The following TNPO1 variants were observed in gnomAD, a reference collection of about 807,000 sequenced individuals.
The protein encoded by TNPO1 is transportin 1, also known as transportin-1.
A neutral mutation model predicts 119.5 loss-of-function variants in TNPO1; 8 were observed. That is an observed-to-expected ratio of 0.07 (90% CI 0.04 to 0.12). TNPO1 has a LOEUF of 0.12. Ranked by LOEUF, TNPO1 falls within the 10% of genes least tolerant of loss-of-function variation. TNPO1 has a pLI of 1.00. For synonymous variants in TNPO1, 362 were observed against 363.0 expected (o/e 1.00, Z 0.03); for missense variants, 576 against 1,089.8 (o/e 0.53, Z 6.64).
chr5:72,877,637 C>A (rs956925581), intron 9 of TNPO1, among the ~76,000 whole-genome samples: 2 of 151,712 alleles, frequency 1.3e-5, no homozygotes. Flanking sequence ...AAAAAACAAT[C>A]CTTGTTATTT....
intron 15 of TNPO1, among the ~76,000 whole-genome samples, chr5:72,892,324 T>A (rs1274283554): frequency 6.6e-6 from 1 of 152,142 alleles, no homozygotes; most frequent in Non-Finnish European, 1.5e-5. Context: ...TTTTATATGA[T>A]GTTCTCGTAA....
chr5:72,857,361 A>G (rs1351142181), intron 4 of TNPO1, among the ~76,000 whole-genome samples: 1 of 152,138 alleles, frequency 6.6e-6, no homozygotes, highest in Non-Finnish European at 1.5e-5. Flanking sequence ...GGTTTGAAAA[A>G]TATTTATCTC....
At chr5:72,843,605 A>C (rs1745007620) in intron 1 of TNPO1, among the ~76,000 whole-genome samples, 2 of 151,966 alleles carry the variant, frequency 1.3e-5, no homozygotes, top group Admixed American at 6.6e-5. Flanking sequence ...AAAAAAAAAA[A>C]AACAAACCCA....
At chr5:72,899,117 T>TAA (rs996930056) in intron 20 of TNPO1, among the ~76,000 whole-genome samples, 1 of 151,314 alleles carries the variant, frequency 6.6e-6, no homozygotes, top group South Asian at 2.1e-4. Context: ...TTCAAAATTG[T>TAA]AAAAAAAAAT....
At chr5:72,851,573 A>G (rs919073089) in intron 3 of TNPO1, among the ~76,000 whole-genome samples, 4 of 152,150 alleles carry the variant, frequency 2.6e-5, no homozygotes, top group Non-Finnish European at 5.9e-5. Flanking sequence ...GCTCACTACA[A>G]TATCTGCCTC....
intron 7 of TNPO1, among the ~76,000 whole-genome samples, chr5:72,874,216 A>G (rs1204423057): frequency 6.6e-6 from 1 of 152,180 alleles, no homozygotes; most frequent in Non-Finnish European, 1.5e-5. Context: ...AAACCTCTGG[A>G]GGAAGTGCCT....
chr5:72,864,497 A>G (rs1746733792), intron 5 of TNPO1, among the ~76,000 whole-genome samples: 1 of 152,220 alleles, frequency 6.6e-6, no homozygotes, highest in Non-Finnish European at 1.5e-5. Flanking sequence ...TAAAATGATT[A>G]TAGGAAAATG....
At chr5:72,908,196 A>G (rs566518279) in intron 24 of TNPO1, among the ~76,000 whole-genome samples, 19 of 152,286 alleles carry the variant, frequency 1.2e-4, no homozygotes, top group African/African-American at 4.3e-4. Context: ...AATACCAGAC[A>G]ACCCCAAATA....
chr5:72,891,774 A>G, intron 14 of TNPO1, 36 bp from the exon 15 acceptor site: 1 of 1,420,756 alleles, frequency 7.0e-7, no homozygotes. Context: ...GACATGTGAT[A>G]GTGGAATTTT....
At chr5:72,866,989 A>G (rs1163186246) in intron 6 of TNPO1, among the ~76,000 whole-genome samples, 5 of 152,178 alleles carry the variant, frequency 3.3e-5, no homozygotes, top group South Asian at 4.2e-4. Context: ...AGCCTACGCA[A>G]CATAGCAAGA....
chr5:72,818,143 T>C (rs1468905155), intron 1 of TNPO1, among the ~76,000 whole-genome samples: 1 of 152,240 alleles, frequency 6.6e-6, no homozygotes, highest in African/African-American at 2.4e-5. Context: ...GTACTAGTGT[T>C]CTGTTTTCTT....
chr5:72,894,370 G>A (rs1048046253), intron 18 of TNPO1, among the ~76,000 whole-genome samples: 1 of 151,220 alleles, frequency 6.6e-6, no homozygotes, highest in Non-Finnish European at 1.5e-5. Flanking sequence ...CAGCATGTTG[G>A]GTAACAATTA....
chr5:72,898,988 A>G (rs1749634377), intron 20 of TNPO1, among the ~76,000 whole-genome samples: 1 of 152,100 alleles, frequency 6.6e-6, no homozygotes, highest in Non-Finnish European at 1.5e-5. Flanking sequence ...GTTGTGTATG[A>G]ATGTATTTAC....
At chr5:72,885,440 T>A (rs1304462092) in intron 11 of TNPO1, among the ~76,000 whole-genome samples, 1 of 152,236 alleles carries the variant, frequency 6.6e-6, no homozygotes, top group African/African-American at 2.4e-5. Flanking sequence ...CCTCTTCACA[T>A]CCCATTCTTT....
chr5:72,854,637 T>A (rs1392672982), intron 3 of TNPO1, among the ~76,000 whole-genome samples: 3 of 152,196 alleles, frequency 2.0e-5, no homozygotes, highest in Admixed American at 2.0e-4. Context: ...TTAAGTGCAG[T>A]GCCACTTGGA....
In TNPO1 at chr5:72,883,046, C is replaced by T. The variant is rs115115607; in HGVS notation, c.982-18C>T. ...CTATAATGAATGCCACCAAAAATTT[C>T]TCTTAAAAAAACAACAGGGTGATGT... On this transcript the variant is annotated intron_variant, in intron 10 of 24. Coordinates refer to ENST00000337273, the MANE Select transcript of TNPO1 (RefSeq NM_002270.4). 4.6e-3 allele frequency: 7,333 copies of T among 1,601,174 alleles called. 231 individuals carry two copies. The South Asian group carries it at 0.054, about 12-fold the overall frequency.
At position 72,834,913 on chromosome 5, in the gene TNPO1, G is replaced by A. The variant is rs151268157; in HGVS notation, c.16-13472G>A. On this transcript the variant is annotated intron_variant, in intron 1 of 24. Coordinates refer to ENST00000337273, the MANE Select transcript of TNPO1 (RefSeq NM_002270.4). ...ATTTTTATGCCTTTTATCTTTTTAT[G>A]CTTTTTTACCATACCTTTTGTATGT... is the stretch of plus-strand genomic sequence containing the variant. 4.4e-3 allele frequency among the ~76,000 whole-genome samples: 662 copies of A among 151,612 alleles called. 7 individuals are homozygous for A. The highest frequency in any genetic ancestry group is 0.016 in the African/African-American group (641 of 41,276).
chr5:72,828,716 T>G (rs1195915613), intron 1 of TNPO1, among the ~76,000 whole-genome samples: 1 of 45,710 alleles, frequency 2.2e-5, no homozygotes, highest in African/African-American at 8.7e-5. Flanking sequence ...AGTAACATCT[T>G]TTGTAGCATT....
Position 72,848,393 on chromosome 5 carries a change from G to T in TNPO1, c.24G>T (p.Lys8Asn), listed in dbSNP as rs764028860. 6.2e-7 allele frequency: 1 copy of T among 1,611,318 alleles called. No individual in the cohort carries two copies. The highest frequency in any genetic ancestry group is 1.7e-5 in the Admixed American group (1 of 59,740). ...TCTGGCTTTATTTGCAGCAAACCAA[G>T]ATGGAGTATGAGTGGAAACCTGACG... Reference protein sequence around the residue: MVWDRQTKMEYEWKPDEQ... With the variant: MVWDRQTNMEYEWKPDEQ... The change falls in exon 2 of 25, where the codon AAG becomes AAT. Residue 8 changes from lysine to asparagine, a missense_variant. By Grantham distance (94) the Lys-to-Asn change is moderately conservative (BLOSUM62 0). Around this residue, in one of 6 missense-constraint regions of TNPO1, gnomAD observed 57 missense variants for 59.5 expected, o/e 0.96. Coordinates refer to ENST00000337273, the MANE Select transcript of TNPO1 (RefSeq NM_002270.4).
Sources: allele counts gnomAD v4.1 joint callset (sites outside exome capture counted in the v4.1 genomes callset), GRCh38; gene constraint gnomAD v4.1.1; regional missense constraint gnomAD v4.1.1; transcripts MANE v1.5; gene names NCBI Gene and HGNC (gene_info 2026-07-23, HGNC 2026-07-21).